The following PRKG1 variants were observed in gnomAD, a reference collection of about 807,000 sequenced individuals.
The protein encoded by PRKG1 is protein kinase cGMP-dependent 1, also known as cGMP-dependent protein kinase 1.
PRKG1 carries 35 observed loss-of-function variants against 88.1 expected under a neutral mutation model. That is an observed-to-expected ratio of 0.40 (90% confidence interval 0.30 to 0.53). PRKG1 has a LOEUF of 0.53. PRKG1 is among the 20% of genes least tolerant of loss of function. The pLI is 0.59. For synonymous variants in PRKG1, 303 were observed against 292.5 expected (o/e 1.04, Z -0.37); for missense variants, 540 against 839.8 (o/e 0.64, Z 4.41).
At chr10:51,574,243 G>A (rs920385816) in intron 3 of PRKG1, among the ~76,000 whole-genome samples, 4 of 151,884 alleles carry the variant, frequency 2.6e-5, no homozygotes, top group African/African-American at 9.7e-5. Flanking sequence ...CTTAGTGAAG[G>A]AACTTTTTTT....
At chr10:51,645,486 A>C (rs2132304533) in intron 3 of PRKG1, among the ~76,000 whole-genome samples, 1 of 152,334 alleles carries the variant, frequency 6.6e-6, no homozygotes, top group East Asian at 1.9e-4. Flanking sequence ...AATACACAAT[A>C]GCTTAATAAT....
chr10:51,545,441 C>A (rs61849828), intron 3 of PRKG1, among the ~76,000 whole-genome samples: 1 of 152,100 alleles, frequency 6.6e-6, no homozygotes, highest in Non-Finnish European at 1.5e-5. Flanking sequence ...TAATAACCAG[C>A]TCTTTTCCTA....
intron 5 of PRKG1, among the ~76,000 whole-genome samples, chr10:51,993,765 T>A (rs561344257): frequency 5.3e-5 from 8 of 152,336 alleles, no homozygotes; most frequent in Non-Finnish European, 1.2e-4. Context: ...GTGTTTTGAT[T>A]TACATGACAA....
chr10:51,812,630 T>C (rs187749449), intron 4 of PRKG1, among the ~76,000 whole-genome samples: 8 of 152,310 alleles, frequency 5.3e-5, no homozygotes, highest in Non-Finnish European at 1.0e-4. Flanking sequence ...TTTGGAGCTT[T>C]TTCTTAGTCC....
intron 3 of PRKG1, among the ~76,000 whole-genome samples, chr10:51,537,727 C>A (rs867033246): frequency 6.1e-3 from 650 of 107,354 alleles, no homozygotes; most frequent in African/African-American, 6.9e-3. Flanking sequence ...GAGTCTGTCT[C>A]AAAAAAAAAA....
At chr10:51,434,812 A>G (rs1838872057) in intron 2 of PRKG1, among the ~76,000 whole-genome samples, 2 of 152,142 alleles carry the variant, frequency 1.3e-5, no homozygotes. Flanking sequence ...ACATCCTTTC[A>G]GATGGGGAAA....
chr10:51,600,975 GAA>G (rs1488391555), intron 3 of PRKG1, among the ~76,000 whole-genome samples: 3 of 137,540 alleles, frequency 2.2e-5, no homozygotes, highest in African/African-American at 3.1e-5. Flanking sequence ...AAGAAGGAGA[GAA>G]AGGGAGGAGG....
chr10:52,086,681 C>A (rs1254677752), intron 7 of PRKG1, among the ~76,000 whole-genome samples: 2 of 151,928 alleles, frequency 1.3e-5, no homozygotes, highest in African/African-American at 4.8e-5. Context: ...TTTTTATAGC[C>A]CTTTAGTGCT....
intron 2 of PRKG1, among the ~76,000 whole-genome samples, chr10:51,326,113 A>T (rs1841587007): frequency 6.6e-6 from 1 of 152,204 alleles, no homozygotes; most frequent in African/African-American, 2.4e-5. Flanking sequence ...GGATTGCCTA[A>T]TAACACTAGA....
chr10:51,633,117 T>C (rs1839568667), intron 3 of PRKG1, among the ~76,000 whole-genome samples: 1 of 152,198 alleles, frequency 6.6e-6, no homozygotes, highest in Non-Finnish European at 1.5e-5. Context: ...GCAAACGTAC[T>C]GTGGTTCCAA....
chr10:51,467,680 G>A (rs748032975), intron 2 of PRKG1, 43 bp from the exon 3 acceptor site: 1 of 1,468,208 alleles, frequency 6.8e-7, no homozygotes, highest in Admixed American at 1.7e-5. Context: ...AATGAAGCAT[G>A]AGAAATAATT....
intron 2 of PRKG1, among the ~76,000 whole-genome samples, chr10:51,167,141 T>A (rs1589214587): frequency 6.6e-6 from 1 of 152,136 alleles, no homozygotes; most frequent in Non-Finnish European, 1.5e-5. Flanking sequence ...AGCGAAATAC[T>A]TTCAGATGGT....
At chr10:52,263,552 A>G (rs756824410) in intron 10 of PRKG1, among the ~76,000 whole-genome samples, 3 of 151,806 alleles carry the variant, frequency 2.0e-5, no homozygotes, top group East Asian at 3.9e-4. Context: ...GCCCATTTAG[A>G]AATACTCTCC....
chr10:51,390,401 A>G lies in PRKG1; in HGVS notation c.479-77322A>G, dbSNP rs142777528. Among the ~76,000 whole-genome samples, 212 of 152,336 alleles carry G rather than the reference A, an allele frequency of 1.4e-3. 1 individual carries two copies. The highest frequency in any genetic ancestry group is 1.8e-3 in the Non-Finnish European group (122 of 68,032). On this transcript the variant is annotated intron_variant, in intron 2 of 17. Coordinates refer to ENST00000373980, the MANE Select transcript of PRKG1 (RefSeq NM_006258.4). The stretch of plus-strand genomic sequence containing the variant: ...CATAGGCACTTTGAAACTTGTTTCA[A>G]GGTGACAATCAATATGTTTACATAC...
chr10:51,536,888 A>C (rs1842169570), intron 3 of PRKG1, among the ~76,000 whole-genome samples: 1 of 145,000 alleles, frequency 6.9e-6, no homozygotes, highest in Non-Finnish European at 1.5e-5. Context: ...TCTATGAGTG[A>C]GAACATGCGG....
At chr10:51,438,695 T>C (rs1245742441) in intron 2 of PRKG1, among the ~76,000 whole-genome samples, 1 of 151,896 alleles carries the variant, frequency 6.6e-6, no homozygotes, top group Non-Finnish European at 1.5e-5. Flanking sequence ...GCAGAGGCAT[T>C]TTTGCTCAGT....
chr10:52,064,619 C>A (rs1846313719), intron 7 of PRKG1, among the ~76,000 whole-genome samples: 2 of 152,220 alleles, frequency 1.3e-5, no homozygotes, highest in African/African-American at 4.8e-5. Context: ...ACTTGGGTGG[C>A]TGCAGCCTTG....
At chr10:52,134,009 T>C in intron 8 of PRKG1, 104 bp downstream of exon 8, 3 of 847,890 alleles carry the variant, frequency 3.5e-6, no homozygotes, top group Non-Finnish European at 5.4e-6. Flanking sequence ...ACTTGTTTTA[T>C]ATCTTTTCAT....
intron 3 of PRKG1, among the ~76,000 whole-genome samples, chr10:51,735,016 G>T (rs1837227988): frequency 6.6e-6 from 1 of 152,120 alleles, no homozygotes; most frequent in Non-Finnish European, 1.5e-5. Flanking sequence ...AAAATCCCGG[G>T]CTCTGAAGAA....
Sources: allele counts gnomAD v4.1 joint callset (sites outside exome capture counted in the v4.1 genomes callset), GRCh38; gene constraint gnomAD v4.1.1; transcripts MANE v1.5; gene names NCBI Gene and HGNC (gene_info 2026-07-23, HGNC 2026-07-21).